Variants in HDAC4 observed in about 807,000 individuals in gnomAD.
The protein encoded by HDAC4 is histone deacetylase A.
HDAC4 carries 16 observed loss-of-function variants against 135.1 expected under a neutral mutation model. The ratio of observed to expected loss-of-function variants is 0.12; its 90% CI spans 0.08 to 0.18. The LOEUF (loss-of-function observed/expected upper bound fraction) is 0.18. Ranked by LOEUF, HDAC4 falls within the 10% of genes least tolerant of loss-of-function variation. The pLI is 1.00. For missense variants in HDAC4, 1,143 were observed against 1,511.8 expected (o/e 0.76, Z 4.05); for synonymous variants, 685 against 653.4 (o/e 1.05, Z -0.74).
intron 3 of HDAC4, among the ~76,000 whole-genome samples, chr2:239,197,040 C>T (rs577517093): frequency 6.6e-6 from 1 of 152,278 alleles, no homozygotes; most frequent in South Asian, 2.1e-4. Flanking sequence ...CTGTCTCTGC[C>T]CTACCTTAAG....
intron 2 of HDAC4, among the ~76,000 whole-genome samples, chr2:239,328,794 G>A (rs572023346): frequency 1.7e-4 from 26 of 152,342 alleles, no homozygotes; most frequent in Non-Finnish European, 2.9e-4. Flanking sequence ...AGCCCAGCCC[G>A]GAGCTCAGAG....
intron 6 of HDAC4, among the ~76,000 whole-genome samples, chr2:239,162,823 G>A (rs916080664): frequency 3.3e-5 from 5 of 152,098 alleles, no homozygotes; most frequent in Admixed American, 6.5e-5. Flanking sequence ...CGGCCTCCAC[G>A]GAAACAAGGG....
chr2:239,398,577 A>G (rs1309078100), intron 1 of HDAC4, among the ~76,000 whole-genome samples: 1 of 152,252 alleles, frequency 6.6e-6, no homozygotes, highest in African/African-American at 2.4e-5. Context: ...CTGGCCACAG[A>G]GTCCAGATGG....
chr2:239,078,388 G>A (rs571929857), intron 22 of HDAC4, among the ~76,000 whole-genome samples: 2 of 140,306 alleles, frequency 1.4e-5, no homozygotes, highest in Non-Finnish European at 3.2e-5. Flanking sequence ...CTGCCTGGAA[G>A]GCATGCATTG....
At chr2:239,353,233 T>C (rs1311756803) in intron 1 of HDAC4, among the ~76,000 whole-genome samples, 1 of 152,166 alleles carries the variant, frequency 6.6e-6, no homozygotes, top group Non-Finnish European at 1.5e-5. Context: ...CAGGCTGGTC[T>C]CAAACTCCTG....
intron 17 of HDAC4, among the ~76,000 whole-genome samples, chr2:239,090,548 C>T (rs1281959717): frequency 6.8e-6 from 1 of 147,892 alleles, no homozygotes; most frequent in Non-Finnish European, 1.5e-5. Context: ...TAGGCTGAGG[C>T]GGGAAGATCA....
At chr2:239,315,965 G>A (rs1304596097) in intron 2 of HDAC4, among the ~76,000 whole-genome samples, 1 of 152,168 alleles carries the variant, frequency 6.6e-6, no homozygotes, top group East Asian at 1.9e-4. Flanking sequence ...GACAAACTGT[G>A]AGCAGTTACT....
At chr2:239,155,302 A>T (rs35159196) in intron 7 of HDAC4, among the ~76,000 whole-genome samples, 92,632 of 150,708 alleles carry the variant, frequency 0.61, 29,246 homozygotes, top group South Asian at 0.78. Flanking sequence ...GACTGATATG[A>T]CCCAGTCCAC....
chr2:239,265,053 G>A (rs922300769), intron 2 of HDAC4, among the ~76,000 whole-genome samples: 3 of 152,160 alleles, frequency 2.0e-5, no homozygotes. Flanking sequence ...CCTGACAGGG[G>A]CTGGAGAGTG....
At position 239,201,254 on chromosome 2, in the gene HDAC4, G is replaced by T. The variant is rs544971565; in HGVS notation, c.95-11177C>A. Among the ~76,000 whole-genome samples, 6 of 152,076 alleles carry T rather than the reference G, an allele frequency of 3.9e-5. No individual in the cohort carries two copies. In the East Asian group the frequency reaches 1.2e-3, roughly 29 times the overall value. On this transcript the variant is annotated intron_variant, in intron 3 of 26. Transcript: ENST00000543185. The stretch of plus-strand genomic sequence containing the variant: ...ACATCAGGGGCTGAAGGAGTGTTAT[G>T]GGGAGCTCACAGGTCACCCAGGGGG...
rs532209223 is a variant in HDAC4 at position 239,266,251 on chromosome 2, C to T, written c.23-29587G>A. On this transcript the variant is annotated intron_variant, in intron 2 of 26. Coordinates refer to ENST00000543185, the MANE Select transcript of HDAC4 (RefSeq NM_001378414.1). ...GCAGGCCTACTTCCTGTAGCAGAGC[C>T]GCTAGGTGGGAAACGTGCCCCTGAT... Among the ~76,000 whole-genome samples the T allele has an allele frequency of 8.5e-4, 129 of 152,318 alleles. 1 individual carries two copies. Among genetic ancestry groups the T allele is most frequent in the African/African-American group, 3.1e-3 (127 of 41,568 alleles).
In HDAC4 at chr2:239,349,228, G is replaced by T. The variant is rs1020172239; in HGVS notation, c.22+3450C>A. On this transcript the variant is annotated intron_variant, in intron 2 of 26. Coordinates refer to ENST00000543185, the MANE Select transcript of HDAC4 (RefSeq NM_001378414.1). The surrounding 1 kb of genome is among the most constrained non-coding windows in gnomAD (Gnocchi z 5.7). Reference sequence around the variant, plus strand: ...AGGACAGGGCCAGCTAGCAGAGGACGGCACGAGAGACACACGGAGGGAGGG... The same window carrying T: ...AGGACAGGGCCAGCTAGCAGAGGACTGCACGAGAGACACACGGAGGGAGGG... 1.3e-5 allele frequency among the ~76,000 whole-genome samples: 2 copies of T among 152,100 alleles called. No individual in the cohort carries two copies. Among genetic ancestry groups the T allele is most frequent in the Non-Finnish European group, 2.9e-5 (2 of 68,018 alleles).
At chr2:239,106,175 C>G (rs575766080) in intron 15 of HDAC4, among the ~76,000 whole-genome samples, 25 of 152,320 alleles carry the variant, frequency 1.6e-4, no homozygotes, top group African/African-American at 5.8e-4. Flanking sequence ...GGCAGAGGAG[C>G]CGAGGGCGGG....
In HDAC4 at chr2:239,126,705, T is replaced by A. The variant is rs1474059623; in HGVS notation, c.1295-11A>T. The A allele has an allele frequency of 6.2e-7, 1 of 1,612,626 alleles. No individual in the cohort carries two copies. The highest frequency in any genetic ancestry group is 1.7e-5 in the Admixed American group (1 of 60,008). On this transcript the variant is annotated splice_polypyrimidine_tract_variant and intron_variant, in intron 11 of 26. Transcript: ENST00000543185. ...CTGAAAGATACCAGTCTGAAGATAA[T>A]TGGAGGAAGAAACAGCAGAGGGGAA...
chr2:239,186,133 GC>G (rs1204991865), intron 4 of HDAC4, among the ~76,000 whole-genome samples: 1 of 152,056 alleles, frequency 6.6e-6, no homozygotes, highest in East Asian at 1.9e-4. Flanking sequence ...AGAAGGAGAG[GC>G]AAGGCTGTGT....
Position 239,134,200 on chromosome 2 carries a change from G to A in HDAC4, c.1294+45C>T, listed in dbSNP as rs747273209. On this transcript the variant is annotated intron_variant, in intron 11 of 26. Transcript: ENST00000543185. ...GAAGGCGGGGCACCATCCAGAGCGT[G>A]GGCAGCCTCAGAGCCTGGCTGCACC... 8 of 1,526,160 alleles carry A rather than the reference G, an allele frequency of 5.2e-6. No homozygotes were observed. The East Asian group carries it at 1.6e-4, about 30-fold the overall frequency. The allele number at this position is 1,526,160 out of a possible 1,614,324, so 94.5% of individuals were successfully genotyped here.
At chr2:239,364,283 G>A (rs1694036205) in intron 1 of HDAC4, among the ~76,000 whole-genome samples, 1 of 152,116 alleles carries the variant, frequency 6.6e-6, no homozygotes, top group Non-Finnish European at 1.5e-5. Context: ...CCTCCCAAAC[G>A]TGCCAAAAGC....
chr2:239,239,092 C>T (rs191135696), intron 2 of HDAC4, among the ~76,000 whole-genome samples: 45 of 152,272 alleles, frequency 3.0e-4, no homozygotes, highest in East Asian at 1.5e-3. Flanking sequence ...ACCAACTGGG[C>T]GTCCAATGAT....
intron 2 of HDAC4, among the ~76,000 whole-genome samples, chr2:239,334,749 G>A (rs1210132644): frequency 4.0e-5 from 6 of 151,578 alleles, no homozygotes; most frequent in Admixed American, 2.0e-4. Flanking sequence ...GAGGCCGGGC[G>A]TGGTGGCTCA....
Sources: gnomAD v4.1 joint callset for allele counts (sites outside exome capture counted in the v4.1 genomes callset) on GRCh38, gnomAD v4.1.1 for gene constraint, Gnocchi (gnomAD v3.1) non-coding constraint, MANE v1.5 for transcripts, NCBI Gene and HGNC (gene_info 2026-07-23, HGNC 2026-07-21) for gene names.